Variants in TEX11 observed in about 807,000 individuals in gnomAD.
TEX11 encodes the protein testis-expressed protein 11.
Under a neutral mutation model 84.4 loss-of-function variants are expected in TEX11, and 7 were observed. That is an observed-to-expected ratio of 0.08 (90% CI 0.05 to 0.16). The LOEUF is 0.16. TEX11 is among the 10% of genes least tolerant of loss of function. TEX11 has a pLI of 1.00. For missense variants in TEX11, 551 were observed against 660.5 expected, an observed-to-expected ratio of 0.83 and a Z score of 1.82; for synonymous variants, 264 against 222.8, an observed-to-expected ratio of 1.18 and a Z score of -1.64.
downstream of TEX11, among the ~76,000 whole-genome samples, chrX:70,527,928 A>C (rs1172519148): frequency 8.9e-6 from 1 of 112,218 alleles, no homozygotes; most frequent in Non-Finnish European, 1.9e-5. Context: ...CAAAATCAAA[A>C]GTTTAAAAAT....
intron 9 of TEX11, among the ~76,000 whole-genome samples, chrX:70,782,386 G>A (rs1047653260): frequency 4.5e-5 from 5 of 110,765 alleles, no homozygotes; most frequent in Non-Finnish European, 3.8e-5. Flanking sequence ...AAAGACCATC[G>A]ATGTTAGGAA....
chrX:70,704,726 T>A (rs1042842013), intron 13 of TEX11, among the ~76,000 whole-genome samples: 2 of 111,411 alleles, frequency 1.8e-5, no homozygotes, highest in African/African-American at 6.5e-5. Context: ...CTTCCATCAC[T>A]TCTTTCCATT....
intron 10 of TEX11, among the ~76,000 whole-genome samples, chrX:70,742,286 G>A (rs1431519368): frequency 9.2e-6 from 1 of 109,052 alleles, no homozygotes; most frequent in African/African-American, 3.3e-5. Context: ...CCATATCGTT[G>A]CAATTATTAT....
chrX:70,522,885 G>A, the TEX11 span, among the ~76,000 whole-genome samples: 1 of 109,643 alleles, frequency 9.1e-6, no homozygotes, highest in Non-Finnish European at 1.9e-5. Context: ...AAGGTAGAAA[G>A]AAGAGCATCT....
At chrX:70,698,175 T>C (rs1270916507) in intron 13 of TEX11, among the ~76,000 whole-genome samples, 1 of 111,063 alleles carries the variant, frequency 9.0e-6, no homozygotes, top group East Asian at 2.8e-4. Context: ...TTCTTTTTGT[T>C]GTGAATGTCC....
At chrX:70,778,331 T>A (rs2091014638) in intron 9 of TEX11, among the ~76,000 whole-genome samples, 1 of 111,327 alleles carries the variant, frequency 9.0e-6, no homozygotes, top group Non-Finnish European at 1.9e-5. Flanking sequence ...ACAGAATAGA[T>A]CTATGAAAAA....
chrX:70,850,578 CAAA>C (rs58993434), intron 7 of TEX11, among the ~76,000 whole-genome samples: 94 of 80,769 alleles, frequency 1.2e-3, no homozygotes, highest in East Asian at 2.6e-3. Flanking sequence ...CCTCCCTCTA[CAAA>C]AAAAAAAAAA....
chrX:70,526,296 C>T (rs768176237), downstream of TEX11, among the ~76,000 whole-genome samples: 5 of 111,710 alleles, frequency 4.5e-5, no homozygotes, highest in South Asian at 3.8e-4. Flanking sequence ...CAGCCAGGTG[C>T]GGTGGCTCAT....
At chrX:70,786,932 C>T (rs192281983) in intron 9 of TEX11, among the ~76,000 whole-genome samples, 196 of 111,096 alleles carry the variant, frequency 1.8e-3, no homozygotes, top group African/African-American at 6.1e-3. Context: ...GTCAGGAGTT[C>T]GAAACCAGCC....
At chrX:70,864,513 G>A (rs777900541) in intron 4 of TEX11, among the ~76,000 whole-genome samples, 5 of 108,916 alleles carry the variant, frequency 4.6e-5, no homozygotes, top group African/African-American at 1.3e-4. Flanking sequence ...CGAGGTGGGC[G>A]GATCACAAGG....
intron 16 of TEX11, among the ~76,000 whole-genome samples, chrX:70,656,300 T>C (rs188596614): frequency 9.2e-6 from 1 of 109,231 alleles, no homozygotes; most frequent in East Asian, 2.9e-4. Flanking sequence ...TGGTGGTGCA[T>C]GCCTGTGGTC....
chrX:70,683,409 C>G (rs1239299265), intron 13 of TEX11, among the ~76,000 whole-genome samples: 1 of 111,595 alleles, frequency 9.0e-6, no homozygotes, highest in Non-Finnish European at 1.9e-5. Context: ...GGTGGGCAGA[C>G]TGCTTGAGCC....
intron 9 of TEX11, among the ~76,000 whole-genome samples, chrX:70,791,353 G>A (rs1303898466): frequency 8.9e-6 from 1 of 111,967 alleles, no homozygotes; most frequent in East Asian, 2.8e-4. Flanking sequence ...AGAGAACGCT[G>A]ATTCATAAAA....
chrX:70,765,897 C>G (rs188843759), intron 9 of TEX11, among the ~76,000 whole-genome samples: 1 of 111,974 alleles, frequency 8.9e-6, no homozygotes. Flanking sequence ...AAAGACTACA[C>G]CAAAAACTAT....
At chrX:70,725,181 A>T in intron 12 of TEX11, 81 bp downstream of exon 12, 1 of 592,472 alleles carries the variant, frequency 1.7e-6, no homozygotes, top group Non-Finnish European at 2.6e-6. Context: ...ACCTATTGTT[A>T]GTATACTACA....
At chrX:70,831,909 A>G (rs768761865) in intron 8 of TEX11, among the ~76,000 whole-genome samples, 1 of 111,191 alleles carries the variant, frequency 9.0e-6, no homozygotes, top group African/African-American at 3.3e-5. Context: ...TATACCCCCA[A>G]TAAAGCTAGA....
chrX:70,743,728 T>C (rs2090748611), intron 10 of TEX11, among the ~76,000 whole-genome samples: 1 of 109,619 alleles, frequency 9.1e-6, no homozygotes. Flanking sequence ...ACACAAAAAT[T>C]ATCCAGGTGT....
chrX:70,533,928 C>A (rs970688774), intron 28 of TEX11, among the ~76,000 whole-genome samples: 3 of 108,142 alleles, frequency 2.8e-5, no homozygotes, highest in African/African-American at 1.0e-4. Context: ...CTCATCTCTA[C>A]TAAAAATACA....
intron 9 of TEX11, among the ~76,000 whole-genome samples, chrX:70,803,261 C>T (rs184314900): frequency 1.9e-4 from 21 of 112,230 alleles, no homozygotes; most frequent in African/African-American, 5.8e-4. Context: ...TACATTGAGG[C>T]AAATACGTTG....
Sources: allele counts gnomAD v4.1 joint callset (sites outside exome capture counted in the v4.1 genomes callset), GRCh38; gene constraint gnomAD v4.1.1; transcripts MANE v1.5; gene names NCBI Gene and HGNC (gene_info 2026-07-23, HGNC 2026-07-21).